Variants in PAFAH1B2 observed in about 807,000 individuals in gnomAD.
The protein encoded by PAFAH1B2 is platelet activating factor acetylhydrolase 1b catalytic subunit 2.
A neutral mutation model predicts 28.0 loss-of-function variants in PAFAH1B2; 8 were observed. The observed-to-expected ratio is 0.29, with a 90% CI of 0.17 to 0.52. The LOEUF (loss-of-function observed/expected upper bound fraction) is 0.52. PAFAH1B2 is among the 20% of genes least tolerant of loss of function. The pLI, the probability that PAFAH1B2 is intolerant of heterozygous loss-of-function variation, is 0.97. For synonymous variants in PAFAH1B2, 104 were observed against 103.2 expected (o/e 1.01, Z -0.05); for missense variants, 190 against 282.6 (o/e 0.67, Z 2.35).
At chr11:117,160,903 T>C (rs1277255509) in intron 3 of PAFAH1B2, among the ~76,000 whole-genome samples, 2 of 152,164 alleles carry the variant, frequency 1.3e-5, no homozygotes, top group Non-Finnish European at 2.9e-5. Flanking sequence ...TAATTATTAA[T>C]GTTGATACCT....
In PAFAH1B2 at chr11:117,166,988, A is replaced by G. The variant is rs577907851; in HGVS notation, c.412-433A>G. 4.6e-5 allele frequency among the ~76,000 whole-genome samples: 7 copies of G among 152,336 alleles called. No homozygotes were observed. The South Asian group carries it at 1.5e-3, about 32-fold the overall frequency. On this transcript the variant is annotated intron_variant, in intron 5 of 5. Coordinates refer to ENST00000527958, the MANE Select transcript of PAFAH1B2 (RefSeq NM_002572.4). ...AGTTGAATAATTTAATGATAAATAG[A>G]TAAGATATATGGGATGTGAGACTTG... is the stretch of plus-strand genomic sequence containing the variant.
downstream of PAFAH1B2, among the ~76,000 whole-genome samples, chr11:117,172,083 C>A (rs1956661403): frequency 6.6e-6 from 1 of 151,802 alleles, no homozygotes; most frequent in Non-Finnish European, 1.5e-5. Flanking sequence ...TCTTAAATGG[C>A]CCAGAACAAG....
chr11:117,169,636 CT>C lies in PAFAH1B2; in HGVS notation c.*1939del, dbSNP rs1203514383. The C allele has an allele frequency of 1.9e-6, 2 of 1,050,816 alleles. No homozygotes were observed. Among genetic ancestry groups the C allele is most frequent in the African/African-American group, 3.3e-5 (2 of 60,322 alleles). The allele number at this position is 1,050,816 out of a possible 1,614,324, so 65.1% of individuals were successfully genotyped here. On this transcript the variant is annotated 3_prime_UTR_variant, in exon 6 of 6. Coordinates refer to ENST00000527958, the MANE Select transcript of PAFAH1B2 (RefSeq NM_002572.4). Reference sequence around the variant, plus strand: ...ACATACTTTTTTGAATGTATCATGTCTTCATTAACAACAGAAAATCCACATG... The same window carrying C: ...ACATACTTTTTTGAATGTATCATGTCTCATTAACAACAGAAAATCCACATG...
exon 6 of PAFAH1B2, chr11:117,176,099 T>C (rs2029968286): frequency 9.2e-6 from 6 of 650,026 alleles, no homozygotes; most frequent in Non-Finnish European, 1.6e-5. Flanking sequence ...TGGACCAAGG[T>C]GCAAACTTGA....
At chr11:117,172,212 A>G (rs962597081), downstream of PAFAH1B2, among the ~76,000 whole-genome samples, 12 of 152,234 alleles carry the variant, frequency 7.9e-5, no homozygotes, top group Middle Eastern at 3.4e-3. Flanking sequence ...CAGCCATGGC[A>G]GAGATGAAAT....
intron 5 of PAFAH1B2, among the ~76,000 whole-genome samples, chr11:117,165,307 G>A (rs1449533997): frequency 1.4e-5 from 2 of 144,658 alleles, no homozygotes; most frequent in Non-Finnish European, 3.0e-5. Context: ...CCGAGATCGT[G>A]CCACTGCACT....
intron 5 of PAFAH1B2, among the ~76,000 whole-genome samples, chr11:117,165,118 G>C (rs112545791): frequency 6.6e-6 from 1 of 150,710 alleles, no homozygotes; most frequent in African/African-American, 2.4e-5. Flanking sequence ...ACCACACCCG[G>C]CTAATTTTTT....
At position 117,167,629 on chromosome 11, in the gene PAFAH1B2, A is replaced by C; in HGVS notation, c.620A>C (p.Lys207Thr). Residue 207 changes from lysine to threonine, a missense_variant, in exon 6 of 6, where the codon AAA becomes ACA. Physicochemically the swap from Lys to Thr is moderately conservative, Grantham distance 78 (BLOSUM62 -1). Transcript: ENST00000527958. ...LTGGGYAKIC[K>T]PLHELIMQLL... ...GGAGGGGGCTATGCAAAGATCTGCA[A>C]ACCCCTGCATGAACTGATCATGCAG... is the stretch of plus-strand genomic sequence containing the variant. 6.2e-7 allele frequency: 1 copy of C among 1,609,956 alleles called. No individual in the cohort carries two copies. The highest frequency in any genetic ancestry group is 8.5e-7 in the Non-Finnish European group (1 of 1,177,032).
Position 117,167,493 on chromosome 11 carries a change from G to T in PAFAH1B2, c.484G>T (p.Val162Phe). ...KNAKVNQLLKVSLPKLANVQL... is the reference protein window; with the variant it reads ...KNAKVNQLLKFSLPKLANVQL... ...CGCCAAGGTGAACCAACTCCTCAAG[G>T]TTTCGCTGCCGAAGCTTGCCAACGT... The change falls in exon 6 of 6, where the codon GTT becomes TTT. Residue 162 changes from valine to phenylalanine, a missense_variant. Coordinates refer to ENST00000527958, the MANE Select transcript of PAFAH1B2 (RefSeq NM_002572.4). 1.2e-6 allele frequency: 2 copies of T among 1,611,904 alleles called. No individual in the cohort carries two copies. The highest frequency in any genetic ancestry group is 1.3e-5 in the African/African-American group (1 of 75,038).
At chr11:117,175,643 T>C (rs2029936878), downstream of PAFAH1B2, 1 of 1,271,570 alleles carries the variant, frequency 7.9e-7, no homozygotes, top group Admixed American at 3.9e-5. Context: ...AACTTCATTG[T>C]GCATAGCAAG....
chr11:117,161,612 G>T (rs984069243), intron 4 of PAFAH1B2, among the ~76,000 whole-genome samples: 1 of 151,386 alleles, frequency 6.6e-6, no homozygotes, highest in Non-Finnish European at 1.5e-5. Context: ...GGGTTCAAGC[G>T]ATTCTCCTGC....
At chr11:117,145,727 T>C (rs1955988826) in intron 1 of PAFAH1B2, among the ~76,000 whole-genome samples, 1 of 152,166 alleles carries the variant, frequency 6.6e-6, no homozygotes, top group African/African-American at 2.4e-5. Context: ...ACCCACTCCC[T>C]CTGAAACAAA....
In PAFAH1B2 at chr11:117,168,608, ATT is replaced by A. The variant is rs1433432232; in HGVS notation, c.*910_*911del. The stretch of plus-strand genomic sequence containing the variant: ...TCTTGTGTGGTGTTCTGTGCTATAG[ATT>A]CTGTGTATTGCTGTTCATATTCGGA... On this transcript the variant is annotated 3_prime_UTR_variant, in exon 6 of 6. Coordinates refer to ENST00000527958, the MANE Select transcript of PAFAH1B2 (RefSeq NM_002572.4). 4 of 1,062,486 alleles carry A rather than the reference ATT, an allele frequency of 3.8e-6. No homozygotes were observed. The African/African-American group carries it at 5.0e-5, about 13-fold the overall frequency. The allele number at this position is 1,062,486 out of a possible 1,614,324, so 65.8% of individuals were successfully genotyped here.
At chr11:117,148,878 T>G (rs1448737937) in intron 1 of PAFAH1B2, among the ~76,000 whole-genome samples, 7 of 151,986 alleles carry the variant, frequency 4.6e-5, no homozygotes, top group Non-Finnish European at 1.0e-4. Flanking sequence ...TCAGAACATT[T>G]ATTTACTTAG....
exon 6 of PAFAH1B2, chr11:117,176,477 T>C (rs1215351194): frequency 5.0e-6 from 1 of 201,828 alleles, no homozygotes; most frequent in Non-Finnish European, 1.0e-5. Context: ...GAGCTGAGAC[T>C]GCTGCAATCC....
At chr11:117,175,590 A>G, downstream of PAFAH1B2, 1 of 1,159,404 alleles carries the variant, frequency 8.6e-7, no homozygotes. Context: ...AAACAGAAAT[A>G]GTGATAGTCC....
At chr11:117,160,647 G>A (rs142017584) in intron 3 of PAFAH1B2, among the ~76,000 whole-genome samples, 8,158 of 152,184 alleles carry the variant, frequency 0.054, 258 homozygotes, top group Middle Eastern at 0.1. Context: ...AGTGGAGACG[G>A]GGTTTCACTA....
downstream of PAFAH1B2, chr11:117,171,791 T>C (rs143672473): frequency 1.6e-5 from 23 of 1,447,398 alleles, no homozygotes; most frequent in East Asian, 5.0e-4. Context: ...GCTAAAAGTT[T>C]CTGTGATCTT....
At chr11:117,165,934 G>A (rs2134212156) in intron 5 of PAFAH1B2, among the ~76,000 whole-genome samples, 1 of 152,096 alleles carries the variant, frequency 6.6e-6, no homozygotes, top group South Asian at 2.1e-4. Context: ...CCGCCTCCCG[G>A]GTTCAAGTGA....
Sources: gnomAD v4.1 joint callset for allele counts (sites outside exome capture counted in the v4.1 genomes callset) on GRCh38, gnomAD v4.1.1 for gene constraint, MANE v1.5 for transcripts, NCBI Gene and HGNC (gene_info 2026-07-23, HGNC 2026-07-21) for gene names.